ELAVL2: variants seen among roughly 807,000 people sequenced by gnomAD.
ELAVL2 encodes the protein ELAV-like protein 2.
ELAVL2 carries 4 observed loss-of-function variants against 34.6 expected under a neutral mutation model. The observed-to-expected ratio is 0.12, with a 90% CI of 0.06 to 0.26. ELAVL2 has a LOEUF of 0.26. Ranked by LOEUF, ELAVL2 falls within the 10% of genes least tolerant of loss-of-function variation. The probability of loss-of-function intolerance (pLI) is 1.00; values close to 1 mark genes in which losing one functional copy is unlikely to be tolerated. For missense variants in ELAVL2, 432 were observed against 442.8 expected, an observed-to-expected ratio of 0.98 and a Z score of 0.22; for synonymous variants, 193 against 154.8, an observed-to-expected ratio of 1.25 and a Z score of -1.83.
At position 23,808,738 on chromosome 9, in the gene ELAVL2, A is replaced by G. The variant is rs574093510; in HGVS notation, c.-16+17068T>C. On this transcript the variant is annotated intron_variant, in intron 1 of 6. Coordinates refer to ENST00000397312, the MANE Select transcript of ELAVL2 (RefSeq NM_004432.5). Reference sequence around the variant, plus strand: ...CAAATTGCCACATTTCTTTGAGACGATAACAGAGAATAATCACAGGGAATG... The same window carrying G: ...CAAATTGCCACATTTCTTTGAGACGGTAACAGAGAATAATCACAGGGAATG... 2.6e-4 allele frequency among the ~76,000 whole-genome samples: 40 copies of G among 152,320 alleles called. 1 individual carries two copies. In the South Asian group the frequency reaches 7.5e-3, roughly 28 times the overall value.
intron 5 of ELAVL2, among the ~76,000 whole-genome samples, chr9:23,699,032 A>C (rs947520827): frequency 2.6e-5 from 4 of 152,228 alleles, no homozygotes; most frequent in Non-Finnish European, 5.9e-5. Context: ...TACAACTGAC[A>C]ATCTCTTATT....
At chr9:23,742,479 A>G (rs192393422) in intron 2 of ELAVL2, among the ~76,000 whole-genome samples, 3 of 152,308 alleles carry the variant, frequency 2.0e-5, no homozygotes, top group East Asian at 3.9e-4. Flanking sequence ...AAAAGGAGTG[A>G]AAGAGGGAGG....
chr9:23,745,657 A>G (rs887229881), intron 2 of ELAVL2, among the ~76,000 whole-genome samples: 6 of 152,204 alleles, frequency 3.9e-5, no homozygotes, highest in Non-Finnish European at 7.3e-5. Context: ...CCCATAGGAC[A>G]CAGAAATATA....
chr9:23,741,421 T>A (rs1311706977), intron 2 of ELAVL2, among the ~76,000 whole-genome samples: 2 of 152,098 alleles, frequency 1.3e-5, no homozygotes, highest in African/African-American at 2.4e-5. Flanking sequence ...CCTGGTATAA[T>A]CACTGAGCAG....
chr9:23,731,988 A>G (rs2046686951), intron 2 of ELAVL2, among the ~76,000 whole-genome samples: 1 of 152,200 alleles, frequency 6.6e-6, no homozygotes, highest in African/African-American at 2.4e-5. Flanking sequence ...AAAGATAACT[A>G]AAGTCAATCG....
intron 1 of ELAVL2, among the ~76,000 whole-genome samples, chr9:23,763,742 G>A (rs930661523): frequency 6.6e-6 from 1 of 152,150 alleles, no homozygotes; most frequent in Non-Finnish European, 1.5e-5. Context: ...AGACTGGTCA[G>A]ACTGAACAAG....
chr9:23,747,289 G>A (rs138870572), intron 2 of ELAVL2, among the ~76,000 whole-genome samples: 147 of 152,166 alleles, frequency 9.7e-4, no homozygotes, highest in African/African-American at 3.2e-3. Context: ...ATTTAATCAC[G>A]ATACTCTGAA....
chr9:23,802,938 ATACAG>A (rs545697563), intron 1 of ELAVL2, among the ~76,000 whole-genome samples: 86 of 151,926 alleles, frequency 5.7e-4, no homozygotes, highest in African/African-American at 2.0e-3. Flanking sequence ...TTAATTTCTT[ATACAG>A]TAAATATTTA....
At position 23,701,306 on chromosome 9, in the gene ELAVL2, A is replaced by G. The variant is rs575021499; in HGVS notation, c.713+73T>C. The G allele has an allele frequency of 8.0e-6, 12 of 1,503,144 alleles. No homozygotes were observed. In the East Asian group the frequency reaches 1.8e-4, roughly 23 times the overall value. The allele number at this position is 1,503,144 out of a possible 1,614,324, so 93.1% of individuals were successfully genotyped here. A position where few individuals can be genotyped will look rare whatever the true frequency, so the allele number is the denominator to read the frequency against. ...AAGCAAACCAGAGATCCTGTCAATA[A>G]AAGTACTGGACAGTAAACCTGAGTA... On this transcript the variant is annotated intron_variant, in intron 5 of 6. Transcript: ENST00000397312.
intron 2 of ELAVL2, among the ~76,000 whole-genome samples, chr9:23,744,170 C>G (rs1222048559): frequency 6.6e-6 from 1 of 152,174 alleles, no homozygotes; most frequent in African/African-American, 2.4e-5. Flanking sequence ...AAGGTACTCT[C>G]TGATGCTCGC....
At chr9:23,783,581 G>A (rs1349311947) in intron 1 of ELAVL2, 1 of 795,374 alleles carries the variant, frequency 1.3e-6, no homozygotes, top group African/African-American at 1.9e-5. Flanking sequence ...AAACAGATAT[G>A]CCTCAAATAT....
At chr9:23,819,906 T>C (rs1201414677) in intron 1 of ELAVL2, among the ~76,000 whole-genome samples, 2 of 152,100 alleles carry the variant, frequency 1.3e-5, no homozygotes, top group Non-Finnish European at 2.9e-5. Context: ...CGTAAGTATA[T>C]CCTCCCCACA....
chr9:23,695,419 C>G (rs2034802244), intron 5 of ELAVL2, among the ~76,000 whole-genome samples: 1 of 154 alleles, frequency 6.5e-3, no homozygotes, highest in Non-Finnish European at 0.01. Flanking sequence ...CTCAGGACAC[C>G]AAGCATACGG....
chr9:23,755,434 C>T (rs2053310256), intron 2 of ELAVL2, among the ~76,000 whole-genome samples: 1 of 152,076 alleles, frequency 6.6e-6, no homozygotes, highest in South Asian at 2.1e-4. Context: ...GAAGCTTCTA[C>T]AGTGATAACA....
chr9:23,775,582 T>C (rs2058058763), intron 1 of ELAVL2, among the ~76,000 whole-genome samples: 1 of 152,122 alleles, frequency 6.6e-6, no homozygotes, highest in Non-Finnish European at 1.5e-5. Flanking sequence ...TGTGGGGATC[T>C]AACTAAAATA....
At chr9:23,769,003 AAC>A (rs1165891132) in intron 1 of ELAVL2, among the ~76,000 whole-genome samples, 1 of 152,028 alleles carries the variant, frequency 6.6e-6, no homozygotes, top group Admixed American at 6.5e-5. Flanking sequence ...GTCCAGCCTA[AAC>A]AGAGTGAACT....
chr9:23,776,133 T>C lies in ELAVL2; in HGVS notation c.-15-13884A>G, dbSNP rs1205013749. 2.6e-5 allele frequency among the ~76,000 whole-genome samples: 4 copies of C among 152,082 alleles called. 1 individual carries two copies. The East Asian group carries it at 7.7e-4, about 29-fold the overall frequency. ...TGTATAGCTGGAGGAGCAGCCAAAG[T>C]CATCTCAGGTTGTTTATAAAGAGGA... On this transcript the variant is annotated intron_variant, in intron 1 of 6. Transcript: ENST00000397312.
chr9:23,808,599 A>G (rs1427000697), intron 1 of ELAVL2, among the ~76,000 whole-genome samples: 1 of 152,194 alleles, frequency 6.6e-6, no homozygotes, highest in Admixed American at 6.5e-5. Context: ...ATAAAATAAT[A>G]AAATGTTAAA....
chr9:23,811,238 T>C (rs1311156364), intron 1 of ELAVL2, among the ~76,000 whole-genome samples: 1 of 151,990 alleles, frequency 6.6e-6, no homozygotes, highest in Admixed American at 6.6e-5. Context: ...ACACAAATTA[T>C]TCCCCGAACA....
Sources: gnomAD v4.1 joint callset for allele counts (sites outside exome capture counted in the v4.1 genomes callset) on GRCh38, gnomAD v4.1.1 for gene constraint, MANE v1.5 for transcripts, NCBI Gene and HGNC (gene_info 2026-07-23, HGNC 2026-07-21) for gene names.